PALM2AKAP2: variants seen among roughly 807,000 people sequenced by gnomAD.
PALM2AKAP2 encodes the protein PALM2-AKAP2 fusion protein.
A neutral mutation model predicts 71.5 loss-of-function variants in PALM2AKAP2; 37 were observed. The observed-to-expected ratio is 0.52, with a 90% CI of 0.40 to 0.68. PALM2AKAP2 has a LOEUF of 0.68. Among genes scored for constraint, PALM2AKAP2 ranks in the 30% least tolerant of loss-of-function variants. The pLI, the probability that PALM2AKAP2 is intolerant of heterozygous loss-of-function variation, is 0.00. For synonymous variants in PALM2AKAP2, 468 were observed against 478.8 expected, an observed-to-expected ratio of 0.98 and a Z score of 0.29; for missense variants, 1,224 against 1,191.8, an observed-to-expected ratio of 1.03 and a Z score of -0.40.
intron 7 of PALM2AKAP2, among the ~76,000 whole-genome samples, chr9:110,029,174 G>A (rs189632508): frequency 1.3e-5 from 2 of 152,132 alleles, no homozygotes; most frequent in Admixed American, 1.3e-4. Flanking sequence ...CCCTCTATTT[G>A]TTTGTTTGAT....
At chr9:110,137,989 G>A in exon 2 of PALM2AKAP2, 1 of 1,614,046 alleles carries the variant, frequency 6.2e-7, no homozygotes, top group South Asian at 1.1e-5. Context: ...CCATAGCCGA[G>A]CAGGTGGATA....
upstream of PALM2AKAP2, among the ~76,000 whole-genome samples, chr9:109,775,813 T>C (rs1055582620): frequency 6.6e-6 from 1 of 152,262 alleles, no homozygotes; most frequent in African/African-American, 2.4e-5. Flanking sequence ...GAATTGGCTA[T>C]GATCGTTTGT....
chr9:109,678,465 T>C (rs538120822), intron 1 of PALM2AKAP2, among the ~76,000 whole-genome samples: 7 of 152,386 alleles, frequency 4.6e-5, no homozygotes, highest in African/African-American at 1.7e-4. Context: ...TTAAAAATTG[T>C]CTCAATTTCA....
intron 1 of PALM2AKAP2, among the ~76,000 whole-genome samples, chr9:109,714,582 T>C (rs1206400034): frequency 1.3e-5 from 2 of 152,244 alleles, no homozygotes; most frequent in Non-Finnish European, 1.5e-5. Flanking sequence ...ATATTACCTG[T>C]GCCCACCAAG....
intron 6 of PALM2AKAP2, among the ~76,000 whole-genome samples, chr9:109,956,824 A>G (rs749153641): frequency 5.9e-5 from 9 of 152,230 alleles, no homozygotes; most frequent in Admixed American, 6.5e-5. Context: ...CTTTCTTGCT[A>G]TGTGAGTCAG....
intron 1 of PALM2AKAP2, among the ~76,000 whole-genome samples, chr9:110,061,275 C>G (rs1052322027): frequency 6.6e-6 from 1 of 152,132 alleles, no homozygotes; most frequent in Non-Finnish European, 1.5e-5. Flanking sequence ...AAGAATGCAT[C>G]CAAACCAAGG....
At chr9:109,808,141 A>G (rs117803038) in intron 1 of PALM2AKAP2, among the ~76,000 whole-genome samples, 2,082 of 152,342 alleles carry the variant, frequency 0.014, 25 homozygotes, top group Non-Finnish European at 0.021. Context: ...GCTACTGTAA[A>G]GATACCTGAA....
chr9:109,713,394 G>C (rs943962007), intron 1 of PALM2AKAP2, among the ~76,000 whole-genome samples: 1 of 152,100 alleles, frequency 6.6e-6, no homozygotes, highest in African/African-American at 2.4e-5. Flanking sequence ...TTTTTAGATA[G>C]CACATGCATG....
rs546782241 is a variant in PALM2AKAP2, at chr9:110,136,861, A to G, written c.891A>G (p.Lys297=). Residue 297 remains lysine (K), a synonymous_variant, in exon 2 of 4, where the codon AAA becomes AAG. Coordinates refer to ENST00000374525, the Ensembl canonical transcript of PALM2AKAP2. ...AGAAAGAACAATACTGCATTAGAAA[A>G]GTGAGGCCTTCAGAGGAGATGCTGG... 18 of 1,614,186 alleles carry G rather than the reference A, an allele frequency of 1.1e-5. No homozygotes were observed. The East Asian group carries it at 3.6e-4, about 32-fold the overall frequency.
intron 7 of PALM2AKAP2, among the ~76,000 whole-genome samples, chr9:110,040,372 A>C (rs1276200450): frequency 6.6e-6 from 1 of 152,214 alleles, no homozygotes; most frequent in Non-Finnish European, 1.5e-5. Context: ...TCTTCAGTGA[A>C]GTTTACGTTA....
intron 1 of PALM2AKAP2, among the ~76,000 whole-genome samples, chr9:109,845,130 C>CCT (rs1828820327): frequency 6.6e-6 from 1 of 152,212 alleles, no homozygotes; most frequent in South Asian, 2.1e-4. Context: ...TTTGAAGAGT[C>CCT]CTCTGCTTTA....
intron 1 of PALM2AKAP2, among the ~76,000 whole-genome samples, chr9:109,741,289 T>C (rs906145784): frequency 6.6e-6 from 1 of 152,228 alleles, no homozygotes; most frequent in African/African-American, 2.4e-5. Context: ...TTGTTGCAAA[T>C]ATCCATCGTT....
intron 1 of PALM2AKAP2, among the ~76,000 whole-genome samples, chr9:109,743,595 T>A (rs1443157834): frequency 6.6e-6 from 1 of 152,162 alleles, no homozygotes; most frequent in Non-Finnish European, 1.5e-5. Flanking sequence ...CTACTTGGAA[T>A]CAGTGAAAAA....
At chr9:109,906,592 CATT>C (rs1457156044) in intron 3 of PALM2AKAP2, among the ~76,000 whole-genome samples, 1 of 152,204 alleles carries the variant, frequency 6.6e-6, no homozygotes, top group Non-Finnish European at 1.5e-5. Context: ...TTGTCAACAT[CATT>C]ATACTATAAA....
intron 6 of PALM2AKAP2, among the ~76,000 whole-genome samples, chr9:109,967,492 C>T (rs1196500933): frequency 6.6e-6 from 1 of 151,994 alleles, no homozygotes; most frequent in East Asian, 1.9e-4. Flanking sequence ...TCACTGCAAC[C>T]TCCACTTGCT....
At chr9:109,794,470 A>G (rs1012478243) in intron 1 of PALM2AKAP2, among the ~76,000 whole-genome samples, 1 of 149,396 alleles carries the variant, frequency 6.7e-6, no homozygotes, top group Non-Finnish European at 1.5e-5. Flanking sequence ...GGGAACTTTA[A>G]GCACACTTAG....
chr9:109,913,349 G>A (rs1171715623), intron 3 of PALM2AKAP2, among the ~76,000 whole-genome samples: 1 of 152,198 alleles, frequency 6.6e-6, no homozygotes, highest in African/African-American at 2.4e-5. Flanking sequence ...CAAAGGCTCT[G>A]GCAGGAAGCC....
intron 1 of PALM2AKAP2, among the ~76,000 whole-genome samples, chr9:110,064,120 A>T (rs889568298): frequency 2.0e-5 from 3 of 152,160 alleles, no homozygotes; most frequent in African/African-American, 7.2e-5. Context: ...AATCTTGTTG[A>T]TGGCTTAGAT....
chr9:109,879,980 C>A (rs1376906057), intron 2 of PALM2AKAP2, among the ~76,000 whole-genome samples: 1 of 152,168 alleles, frequency 6.6e-6, no homozygotes, highest in Non-Finnish European at 1.5e-5. Flanking sequence ...TTACAGACAT[C>A]AGCCACGGTG....
Sources: allele counts gnomAD v4.1 joint callset (sites outside exome capture counted in the v4.1 genomes callset), GRCh38; gene constraint gnomAD v4.1.1; transcripts MANE v1.5; gene names NCBI Gene and HGNC (gene_info 2026-07-23, HGNC 2026-07-21).